The following CCSER1 variants were observed in gnomAD, a reference collection of about 807,000 sequenced individuals.
CCSER1 encodes the protein coiled-coil serine rich protein 1, also known as serine-rich coiled-coil domain-containing protein 1.
CCSER1 carries 41 observed loss-of-function variants against 82.0 expected under a neutral mutation model. The observed-to-expected ratio is 0.50, with a 90% CI of 0.39 to 0.65. The LOEUF is 0.65. CCSER1 is among the 30% of genes least tolerant of loss of function. CCSER1 has a pLI of 0.00. For missense variants in CCSER1, 1,119 were observed against 1,064.2 expected (o/e 1.05, Z -0.72); for synonymous variants, 414 against 383.9 (o/e 1.08, Z -0.92).
At chr4:90,724,217 A>C (rs1279777541) in intron 7 of CCSER1, among the ~76,000 whole-genome samples, 1 of 151,974 alleles carries the variant, frequency 6.6e-6, no homozygotes, top group Non-Finnish European at 1.5e-5. Flanking sequence ...TTTGTCTTAC[A>C]TGTAAATGGT....
intron 10 of CCSER1, among the ~76,000 whole-genome samples, chr4:91,433,907 C>T (rs778874774): frequency 6.6e-6 from 1 of 152,166 alleles, no homozygotes; most frequent in East Asian, 1.9e-4. Context: ...ATCACAGTAC[C>T]TCACACTGTA....
At chr4:90,962,082 C>A (rs1734105065) in intron 9 of CCSER1, among the ~76,000 whole-genome samples, 1 of 151,804 alleles carries the variant, frequency 6.6e-6, no homozygotes, top group Non-Finnish European at 1.5e-5. Flanking sequence ...AATATTTATC[C>A]CCATTTGAGA....
Position 90,312,869 on chromosome 4 carries a change from C to T in CCSER1, c.1331C>T (p.Ala444Val). 2 of 1,560,938 alleles carry T rather than the reference C, an allele frequency of 1.3e-6. No homozygotes were observed. The highest frequency in any genetic ancestry group is 1.7e-6 in the Non-Finnish European group (2 of 1,149,944). The change falls in exon 3 of 11, where the codon GCC becomes GTC. Residue 444 changes from alanine (A) to valine (V), a missense_variant. By Grantham distance (64) the Ala-to-Val change is moderately conservative. Coordinates refer to ENST00000509176, the MANE Select transcript of CCSER1 (RefSeq NM_001145065.2). ...GYEANPAKVL[A>V]SSLSPFREGR... The stretch of plus-strand genomic sequence containing the variant: ...TTTATTTTCCTTTCCATAGTTCTTG[C>T]CAGTAGTCTCAGTCCATTTCGTGAA...
intron 3 of CCSER1, among the ~76,000 whole-genome samples, chr4:90,391,222 G>A (rs1445480250): frequency 3.6e-5 from 5 of 138,564 alleles, no homozygotes; most frequent in East Asian, 2.1e-4. Flanking sequence ...GCAGTGAGCC[G>A]AGATCGTGCC....
chr4:90,696,611 G>C (rs1737033628), intron 6 of CCSER1, among the ~76,000 whole-genome samples: 1 of 152,140 alleles, frequency 6.6e-6, no homozygotes. Context: ...TACCATCATA[G>C]CATATAGACA....
intron 1 of CCSER1, among the ~76,000 whole-genome samples, chr4:90,296,503 C>A (rs915202553): frequency 6.6e-6 from 1 of 152,034 alleles, no homozygotes; most frequent in African/African-American, 2.4e-5. Context: ...TTAATTAGAC[C>A]CCATTTGTCA....
intron 5 of CCSER1, among the ~76,000 whole-genome samples, chr4:90,475,390 A>C (rs1039548455): frequency 2.6e-5 from 4 of 152,178 alleles, no homozygotes; most frequent in African/African-American, 9.6e-5. Context: ...ATCTGAGGAG[A>C]TCAGTGAGGA....
In CCSER1 at chr4:90,309,632, C is replaced by A. The variant is rs377285737; in HGVS notation, c.1324+24C>A. ...AGGTATGCTGATTTTTTTTGTATAA[C>A]AAATGATATGAATTAATTTTCATTA... is the stretch of plus-strand genomic sequence containing the variant. On this transcript the variant is annotated intron_variant, in intron 2 of 10. Coordinates refer to ENST00000509176, the MANE Select transcript of CCSER1 (RefSeq NM_001145065.2). 4.1e-5 allele frequency: 62 copies of A among 1,495,368 alleles called. No homozygotes were observed. The East Asian group carries it at 5.7e-4, about 14-fold the overall frequency. The allele number at this position is 1,495,368 out of a possible 1,614,324, so 92.6% of individuals were successfully genotyped here.
At chr4:90,604,762 G>A (rs1258199910) in intron 5 of CCSER1, among the ~76,000 whole-genome samples, 2 of 152,066 alleles carry the variant, frequency 1.3e-5, no homozygotes, top group Non-Finnish European at 2.9e-5. Flanking sequence ...TCATCTAGTG[G>A]GGACTTGGAG....
intron 1 of CCSER1, among the ~76,000 whole-genome samples, chr4:90,157,265 C>G (rs569976813): frequency 8.3e-4 from 126 of 152,274 alleles, no homozygotes; most frequent in Non-Finnish European, 1.6e-3. Context: ...ATGGGCTTCC[C>G]TTTGTGAGTA....
chr4:90,749,792 TTTGGG>T (rs1748254681), intron 7 of CCSER1, among the ~76,000 whole-genome samples: 1 of 151,934 alleles, frequency 6.6e-6, no homozygotes, highest in African/African-American at 2.4e-5. Context: ...TTTACAGTCC[TTTGGG>T]TATATACCCA....
At chr4:91,428,546 A>C (rs969936156) in intron 10 of CCSER1, among the ~76,000 whole-genome samples, 9 of 152,070 alleles carry the variant, frequency 5.9e-5, no homozygotes, top group African/African-American at 1.9e-4. Flanking sequence ...ATCGTAGTAC[A>C]TCATCACTGG....
At chr4:90,605,500 A>T (rs1213911100) in intron 5 of CCSER1, among the ~76,000 whole-genome samples, 2 of 152,254 alleles carry the variant, frequency 1.3e-5, no homozygotes, top group East Asian at 1.9e-4. Context: ...AAAAATATAG[A>T]CTAGAATATT....
At chr4:91,298,905 G>A (rs1374180500) in intron 10 of CCSER1, among the ~76,000 whole-genome samples, 3 of 151,922 alleles carry the variant, frequency 2.0e-5, no homozygotes, top group African/African-American at 7.2e-5. Context: ...ATATGTTTTA[G>A]CACAGTGGTT....
chr4:90,622,522 GT>G (rs963229384), intron 5 of CCSER1, among the ~76,000 whole-genome samples: 4 of 152,006 alleles, frequency 2.6e-5, no homozygotes, highest in Non-Finnish European at 4.4e-5. Flanking sequence ...TGCGGTGTTT[GT>G]TTTTTTGTCC....
At chr4:91,042,694 A>AT (rs1742073883) in intron 9 of CCSER1, among the ~76,000 whole-genome samples, 1 of 152,154 alleles carries the variant, frequency 6.6e-6, no homozygotes, top group East Asian at 1.9e-4. Flanking sequence ...ATTCTCAGGA[A>AT]TTTTTTGTTG....
intron 5 of CCSER1, among the ~76,000 whole-genome samples, chr4:90,479,417 T>C (rs903723772): frequency 6.6e-6 from 1 of 152,206 alleles, no homozygotes; most frequent in Non-Finnish European, 1.5e-5. Context: ...TTAGGGTACA[T>C]GTGCACAATG....
chr4:91,468,904 G>A (rs1230179574), intron 10 of CCSER1, among the ~76,000 whole-genome samples: 2 of 152,054 alleles, frequency 1.3e-5, no homozygotes, highest in Admixed American at 6.6e-5. Flanking sequence ...TCATAAATAT[G>A]TCCATATAAT....
At chr4:91,449,952 C>T (rs1160688538) in intron 10 of CCSER1, among the ~76,000 whole-genome samples, 1 of 152,030 alleles carries the variant, frequency 6.6e-6, no homozygotes, top group Non-Finnish European at 1.5e-5. Context: ...ATTTAGAGAT[C>T]ATGAGTTAAC....
Sources: allele counts gnomAD v4.1 joint callset (sites outside exome capture counted in the v4.1 genomes callset), GRCh38; gene constraint gnomAD v4.1.1; transcripts MANE v1.5; gene names NCBI Gene and HGNC (gene_info 2026-07-23, HGNC 2026-07-21).